DDX31: variants seen among roughly 807,000 people sequenced by gnomAD.
DDX31 encodes ATP-dependent DNA helicase DDX31.
DDX31 carries 70 observed loss-of-function variants against 91.3 expected under a neutral mutation model. The observed-to-expected ratio is 0.77, with a 90% CI of 0.63 to 0.94. DDX31 has a LOEUF of 0.94. Ranked by LOEUF, DDX31 falls within the 40% of genes least tolerant of loss-of-function variation. DDX31 has a pLI of 0.00. For missense variants in DDX31, 902 were observed against 925.0 expected, an observed-to-expected ratio of 0.98 and a Z score of 0.32; for synonymous variants, 362 against 350.6, an observed-to-expected ratio of 1.03 and a Z score of -0.36.
chr9:132,602,785 C>T (rs1051973626), intron 19 of DDX31, among the ~76,000 whole-genome samples: 2 of 152,208 alleles, frequency 1.3e-5, no homozygotes, highest in African/African-American at 2.4e-5. Context: ...CTGCCCATTA[C>T]GAAGATACTC....
chr9:132,652,124 C>T (rs967353565), intron 7 of DDX31, among the ~76,000 whole-genome samples: 2 of 152,048 alleles, frequency 1.3e-5, no homozygotes, highest in Non-Finnish European at 1.5e-5. Context: ...GAGCCAACTG[C>T]TTTTGGTTTT....
At chr9:132,611,450 G>C (rs116921662) in intron 19 of DDX31, among the ~76,000 whole-genome samples, 1 of 152,272 alleles carries the variant, frequency 6.6e-6, no homozygotes, top group Non-Finnish European at 1.5e-5. Flanking sequence ...GTAGCATGCT[G>C]AGGGAAATCA....
chr9:132,633,973 C>T (rs539014257), intron 14 of DDX31, among the ~76,000 whole-genome samples: 3 of 152,234 alleles, frequency 2.0e-5, no homozygotes, highest in African/African-American at 7.2e-5. Flanking sequence ...CGTGAGGACA[C>T]AATTAGCCAA....
intron 19 of DDX31, among the ~76,000 whole-genome samples, chr9:132,610,245 G>A (rs1831248766): frequency 6.6e-6 from 1 of 152,320 alleles, no homozygotes; most frequent in African/African-American, 2.4e-5. Flanking sequence ...AGCAGAGGAT[G>A]AGCAGAAACA....
chr9:132,667,876 C>T (rs778234974), intron 1 of DDX31, among the ~76,000 whole-genome samples: 2 of 152,152 alleles, frequency 1.3e-5, no homozygotes, highest in African/African-American at 4.8e-5. Flanking sequence ...GGCCAGACAA[C>T]GTATAGTCTT....
Position 132,594,220 on chromosome 9 carries a change from A to G in DDX31, c.*646T>C, listed in dbSNP as rs1191072572. 1.3e-5 allele frequency: 2 copies of G among 152,274 alleles called. No individual in the cohort carries two copies. Among genetic ancestry groups the G allele is most frequent in the East Asian group, 3.8e-4 (2 of 5,196 alleles). The allele number at this position is 152,274 out of a possible 1,614,324, so 9.4% of individuals were successfully genotyped here. ...CTGAGAGAGTGAGTTTTCAGTGGAC[A>G]TGAAAGAGGGAGCAATGCATGTAAA... On this transcript the variant is annotated 3_prime_UTR_variant, in exon 20 of 20. Transcript: ENST00000372159.
intron 19 of DDX31, among the ~76,000 whole-genome samples, chr9:132,600,273 C>T (rs1589956482): frequency 6.6e-6 from 1 of 152,194 alleles, no homozygotes; most frequent in African/African-American, 2.4e-5. Context: ...TTAGGGATGC[C>T]TTCTTTGTGA....
intron 18 of DDX31, among the ~76,000 whole-genome samples, chr9:132,613,629 G>A (rs1831472181): frequency 6.6e-6 from 1 of 152,210 alleles, no homozygotes; most frequent in African/African-American, 2.4e-5. Context: ...GGAAGGCTGA[G>A]GATGGAGTTA....
At chr9:132,616,808 T>C (rs1831665082) in intron 18 of DDX31, among the ~76,000 whole-genome samples, 3 of 152,224 alleles carry the variant, frequency 2.0e-5, no homozygotes, top group African/African-American at 7.2e-5. Flanking sequence ...GGATATACAA[T>C]GGCAATTACG....
chr9:132,650,037 T>C (rs531404823), intron 9 of DDX31, among the ~76,000 whole-genome samples, 197 bp downstream of exon 9: 1 of 152,240 alleles, frequency 6.6e-6, no homozygotes, highest in East Asian at 1.9e-4. Flanking sequence ...GAAACCTGTT[T>C]GTAGGTTTAA....
rs555866527 is a variant in DDX31 at position 132,665,166 on chromosome 9, T to TAATAC, written c.76-2472_76-2471insGTATT. On this transcript the variant is annotated intron_variant, in intron 1 of 19. Coordinates refer to ENST00000372159, the MANE Select transcript of DDX31 (RefSeq NM_022779.9). ...CCTACATAGCACTGTATCCCCTGTATAGGCCCCTGTCTGGCAGAGTAAGCA... is the reference window on the plus strand; with the variant it reads ...CCTACATAGCACTGTATCCCCTGTATAATACAGGCCCCTGTCTGGCAGAGTAAGCA... 3.9e-4 allele frequency among the ~76,000 whole-genome samples: 60 copies of TAATAC among 152,362 alleles called. No individual in the cohort carries two copies. In the South Asian group the frequency reaches 0.012, roughly 31 times the overall value.
chr9:132,669,646 G>A (rs1165599578), intron 1 of DDX31: 3 of 1,530,780 alleles, frequency 2.0e-6, no homozygotes, highest in Non-Finnish European at 1.7e-6. Context: ...CCTCCACACC[G>A]CTCCACTCCC....
At chr9:132,623,291 C>T (rs1342563368) in intron 17 of DDX31, among the ~76,000 whole-genome samples, 1 of 152,014 alleles carries the variant, frequency 6.6e-6, no homozygotes, top group Non-Finnish European at 1.5e-5. Context: ...GGTGCAGTGG[C>T]TCATGCCTGT....
chr9:132,632,840 G>C (rs759965511), intron 14 of DDX31, among the ~76,000 whole-genome samples: 11 of 152,268 alleles, frequency 7.2e-5, no homozygotes, highest in South Asian at 4.1e-4. Flanking sequence ...TTAATTTTAT[G>C]TATCTTTTCA....
chr9:132,621,691 A>G (rs1252886094), intron 17 of DDX31, among the ~76,000 whole-genome samples: 4 of 152,220 alleles, frequency 2.6e-5, no homozygotes, highest in African/African-American at 9.6e-5. Flanking sequence ...TGAGGACAGC[A>G]ATTAAGACAC....
At chr9:132,652,102 G>A (rs888075907) in intron 7 of DDX31, among the ~76,000 whole-genome samples, 1 of 151,920 alleles carries the variant, frequency 6.6e-6, no homozygotes, top group Admixed American at 6.6e-5. Flanking sequence ...AAAAAATAAA[G>A]GTTCATTTTC....
intron 17 of DDX31, among the ~76,000 whole-genome samples, chr9:132,624,203 A>T (rs1295439642): frequency 6.6e-6 from 1 of 150,858 alleles, no homozygotes. Flanking sequence ...AGAAGAAACC[A>T]AAAAAGCCCC....
chr9:132,601,867 C>T (rs1250783514), intron 19 of DDX31, among the ~76,000 whole-genome samples: 1 of 152,188 alleles, frequency 6.6e-6, no homozygotes, highest in East Asian at 1.9e-4. Flanking sequence ...CTCTAAGTCC[C>T]ACGTTATTCA....
At chr9:132,625,090 A>G (rs1832315067) in intron 17 of DDX31, among the ~76,000 whole-genome samples, 1 of 152,218 alleles carries the variant, frequency 6.6e-6, no homozygotes, top group Non-Finnish European at 1.5e-5. Flanking sequence ...AGTCGGGTGC[A>G]GCCTTAAGAG....
Sources: allele counts gnomAD v4.1 joint callset (sites outside exome capture counted in the v4.1 genomes callset), GRCh38; gene constraint gnomAD v4.1.1; transcripts MANE v1.5; gene names NCBI Gene and HGNC (gene_info 2026-07-23, HGNC 2026-07-21).